The following SLC5A12 variants were observed in gnomAD, a reference collection of about 807,000 sequenced individuals.
SLC5A12 encodes solute carrier family 5 member 12.
A neutral mutation model predicts 72.7 loss-of-function variants in SLC5A12; 46 were observed. The ratio of observed to expected loss-of-function variants is 0.63; its 90% CI spans 0.50 to 0.81. The LOEUF is 0.81. Among genes scored for constraint, SLC5A12 ranks in the 30% least tolerant of loss-of-function variants. SLC5A12 has a pLI of 0.00. For missense variants in SLC5A12, 683 were observed against 740.7 expected, an observed-to-expected ratio of 0.92 and a Z score of 0.90; for synonymous variants, 275 against 264.4, an observed-to-expected ratio of 1.04 and a Z score of -0.39.
At chr11:26,682,213 T>A (rs1590712011) in intron 11 of SLC5A12, among the ~76,000 whole-genome samples, 1 of 152,230 alleles carries the variant, frequency 6.6e-6, no homozygotes, top group South Asian at 2.1e-4. Flanking sequence ...GAATTTTATG[T>A]AATATTTTTG....
upstream of SLC5A12, chr11:26,723,260 G>T (rs1855512307): frequency 6.6e-6 from 1 of 152,372 alleles, no homozygotes; most frequent in South Asian, 2.1e-4. Flanking sequence ...ATTTGAATTA[G>T]ACCAAAGAAA....
At chr11:26,710,819 C>T (rs143967001) in intron 3 of SLC5A12, among the ~76,000 whole-genome samples, 185 of 152,060 alleles carry the variant, frequency 1.2e-3, no homozygotes, top group African/African-American at 3.0e-3. Context: ...ACTTTCAATA[C>T]GGCAGGTGTC....
intron 9 of SLC5A12, among the ~76,000 whole-genome samples, chr11:26,689,661 G>A (rs1854620093): frequency 6.6e-6 from 1 of 151,996 alleles, no homozygotes; most frequent in African/African-American, 2.4e-5. Context: ...TTCATTATAG[G>A]TGAATTTTTT....
chr11:26,698,363 G>A lies in SLC5A12; in HGVS notation c.951+43C>T, dbSNP rs774884338. On this transcript the variant is annotated intron_variant, in intron 7 of 14. Coordinates refer to ENST00000396005, the MANE Select transcript of SLC5A12 (RefSeq NM_178498.4). ...ATTATCCACCAATAGCTAGAAGCACGCTCATTCCAGACACTCGCCACTGTC... is the reference window on the plus strand; with the variant it reads ...ATTATCCACCAATAGCTAGAAGCACACTCATTCCAGACACTCGCCACTGTC... 2.4e-5 allele frequency: 38 copies of A among 1,602,538 alleles called. 1 individual carries two copies. The South Asian group carries it at 3.5e-4, about 15-fold the overall frequency.
chr11:26,694,974 C>T (rs1854774705), intron 8 of SLC5A12, among the ~76,000 whole-genome samples: 1 of 151,494 alleles, frequency 6.6e-6, no homozygotes, highest in African/African-American at 2.4e-5. Flanking sequence ...ATCATGTTCT[C>T]AAAGCACAAT....
At chr11:26,707,979 G>C (rs1590735235) in intron 4 of SLC5A12, among the ~76,000 whole-genome samples, 1 of 151,856 alleles carries the variant, frequency 6.6e-6, no homozygotes, top group African/African-American at 2.4e-5. Flanking sequence ...ATAGTCCCAA[G>C]CTCAGTTTCC....
intron 1 of SLC5A12, chr11:26,716,229 AAATTAC>A (rs559234764): frequency 2.6e-5 from 4 of 152,224 alleles, no homozygotes; most frequent in Admixed American, 6.5e-5. Flanking sequence ...CAACCCAGTA[AAATTAC>A]AAAGACAGTA....
At chr11:26,688,928 T>G (rs1854599480) in intron 9 of SLC5A12, among the ~76,000 whole-genome samples, 1 of 151,998 alleles carries the variant, frequency 6.6e-6, no homozygotes, top group Non-Finnish European at 1.5e-5. Context: ...CATAATGACC[T>G]CAAACAAGAA....
intron 13 of SLC5A12, among the ~76,000 whole-genome samples, chr11:26,677,822 T>C (rs1051405325): frequency 1.3e-5 from 2 of 152,150 alleles, no homozygotes; most frequent in Admixed American, 6.6e-5. Context: ...AGTCAGAATG[T>C]TGGCCATTGT....
intron 1 of SLC5A12, among the ~76,000 whole-genome samples, chr11:26,720,875 A>T (rs1267340779): frequency 6.6e-6 from 1 of 152,198 alleles, no homozygotes; most frequent in Non-Finnish European, 1.5e-5. Flanking sequence ...TATAATTTGT[A>T]TTAAAATGCC....
chr11:26,695,235 G>T (rs1854780544), intron 8 of SLC5A12, among the ~76,000 whole-genome samples: 2 of 151,922 alleles, frequency 1.3e-5, no homozygotes, highest in African/African-American at 2.4e-5. Flanking sequence ...TAGATCAAAA[G>T]AATGTAAAAG....
chr11:26,677,371 G>T (rs1486735487), intron 13 of SLC5A12, among the ~76,000 whole-genome samples: 2 of 152,050 alleles, frequency 1.3e-5, no homozygotes, highest in East Asian at 3.9e-4. Flanking sequence ...TGCTAATTCT[G>T]GTGCACACAT....
intron 2 of SLC5A12, among the ~76,000 whole-genome samples, chr11:26,712,367 T>C (rs1169069025): frequency 1.3e-5 from 2 of 152,044 alleles, no homozygotes; most frequent in African/African-American, 2.4e-5. Context: ...ATATCTAATC[T>C]AGAGCAACTT....
intron 9 of SLC5A12, among the ~76,000 whole-genome samples, chr11:26,691,356 T>G (rs1230187189): frequency 6.6e-6 from 1 of 152,160 alleles, no homozygotes; most frequent in Non-Finnish European, 1.5e-5. Context: ...TTTCATAATA[T>G]GTACCAAGAA....
intron 6 of SLC5A12, among the ~76,000 whole-genome samples, chr11:26,702,747 T>C (rs1854988131): frequency 1.3e-5 from 2 of 152,166 alleles, no homozygotes; most frequent in South Asian, 4.1e-4. Flanking sequence ...TTTTCTTATT[T>C]TTTTAACCTC....
intron 6 of SLC5A12, among the ~76,000 whole-genome samples, chr11:26,702,335 G>GA (rs1854976970): frequency 1.3e-5 from 2 of 152,128 alleles, no homozygotes; most frequent in Non-Finnish European, 1.5e-5. Flanking sequence ...TCTCCTTTTG[G>GA]AATTCAACTT....
rs1156562811 is a variant in SLC5A12 at position 26,681,078 on chromosome 11, T to C, written c.1452A>G (p.Thr484=). The change falls in exon 12 of 15, where the codon ACA becomes ACG. Residue 484 remains threonine (T), a synonymous_variant. Coordinates refer to ENST00000396005, the MANE Select transcript of SLC5A12 (RefSeq NM_178498.4). ...DQCIKSNVTA[T]GPPVLSSRPG... ...ACCTGCTGGATAGTACTGGAGGCCC[T>C]GTTGCTGTCACATTTGATTTGATAC... is the stretch of plus-strand genomic sequence containing the variant. The C allele has an allele frequency of 6.2e-7, 1 of 1,608,726 alleles. No individual in the cohort carries two copies. Among genetic ancestry groups the C allele is most frequent in the African/African-American group, 1.3e-5 (1 of 74,792 alleles).
intron 10 of SLC5A12, among the ~76,000 whole-genome samples, chr11:26,686,083 G>A (rs1854525926): frequency 1.3e-5 from 2 of 152,084 alleles, no homozygotes; most frequent in Admixed American, 1.3e-4. Context: ...CTAGGACTCT[G>A]CCCAGAACAT....
rs1332240143 is a variant in SLC5A12, at chr11:26,703,868, T to C, written c.605A>G (p.Gln202Arg). ...GAATCCCCCAGCATGAGTTGATCCTTGAATGAGAACCGTTAAGAAGCCCAC... is the reference window on the plus strand; with the variant it reads ...GAATCCCCCAGCATGAGTTGATCCTCGAATGAGAACCGTTAAGAAGCCCAC... ...MIVGFLTVLIQGSTHAGGFHN... is the reference protein window; with the variant it reads ...MIVGFLTVLIRGSTHAGGFHN... Residue 202 changes from glutamine (Q) to arginine (R), a missense_variant, in exon 5 of 15, where the codon CAA (glutamine) becomes CGA (arginine). Physicochemically the swap from Gln to Arg is conservative, Grantham distance 43. Coordinates refer to ENST00000396005, the MANE Select transcript of SLC5A12 (RefSeq NM_178498.4). 1.9e-6 allele frequency: 3 copies of C among 1,613,830 alleles called. No homozygotes were observed. Among genetic ancestry groups the C allele is most frequent in the Admixed American group, 1.7e-5 (1 of 59,978 alleles).
Sources: allele counts gnomAD v4.1 joint callset (sites outside exome capture counted in the v4.1 genomes callset), GRCh38; gene constraint gnomAD v4.1.1; transcripts MANE v1.5; gene names NCBI Gene and HGNC (gene_info 2026-07-23, HGNC 2026-07-21).